The following VAX1 variants were observed in gnomAD, a reference collection of about 807,000 sequenced individuals.
VAX1 encodes ventral anterior homeobox 1.
Under a neutral mutation model 17.6 loss-of-function variants are expected in VAX1, and 6 were observed. The ratio of observed to expected loss-of-function variants is 0.34; its 90% CI spans 0.19 to 0.67. The LOEUF (loss-of-function observed/expected upper bound fraction) is 0.67. Among genes scored for constraint, VAX1 ranks in the 30% least tolerant of loss-of-function variants. The pLI is 0.69. For synonymous variants in VAX1, 256 were observed against 227.4 expected, an observed-to-expected ratio of 1.13 and a Z score of -1.13; for missense variants, 408 against 463.7, an observed-to-expected ratio of 0.88 and a Z score of 1.10.
Position 117,137,788 on chromosome 10 carries a change from C to A in VAX1, c.241+28G>T, listed in dbSNP as rs748214426. 1.9e-6 allele frequency: 3 copies of A among 1,610,160 alleles called. No homozygotes were observed. In the East Asian group the frequency reaches 6.7e-5, roughly 36 times the overall value. On this transcript the variant is annotated intron_variant, in intron 1 of 2. Transcript: ENST00000369206. The surrounding 1 kb of genome is among the most constrained non-coding windows in gnomAD (Gnocchi z 7.4). ...CGGCCCCGGAGTCGACCCCAAAGAA[C>A]GCGCCTGGCAGCCCTGCCCATCCCT...
chr10:117,138,163 C>A lies in VAX1; in HGVS notation c.-107G>T, dbSNP rs200079110. ...AAGAGGAAAAAGGGGACAAAACCCC[C>A]GACAACGCGGCCCGTACGCCCGGCC... is the stretch of plus-strand genomic sequence containing the variant. On this transcript the variant is annotated 5_prime_UTR_variant, in exon 1 of 3. Transcript: ENST00000369206. The A allele has an allele frequency of 1.2e-4, 143 of 1,199,120 alleles. No individual in the cohort carries two copies. Among genetic ancestry groups the A allele is most frequent in the Admixed American group, 2.1e-4 (8 of 37,448 alleles). The allele number at this position is 1,199,120 out of a possible 1,614,324, so 74.3% of individuals were successfully genotyped here. A position where few individuals can be genotyped will look rare whatever the true frequency, so the allele number is the denominator to read the frequency against.
downstream of VAX1, chr10:117,131,063 CCCAGCCA>C (rs1854077106): frequency 6.6e-6 from 1 of 152,530 alleles, no homozygotes; most frequent in African/African-American, 2.4e-5. Flanking sequence ...CCTGGAGGGT[CCCAGCCA>C]CCAGCCTTGA....
chr10:117,128,546 AT>A (rs1332369179), downstream of VAX1: 1 of 152,190 alleles, frequency 6.6e-6, no homozygotes, highest in Non-Finnish European at 1.5e-5. Context: ...ATATGATGTG[AT>A]TTATTTTTAA....
downstream of VAX1, chr10:117,131,457 C>A (rs1156911458): frequency 6.6e-6 from 1 of 152,282 alleles, no homozygotes; most frequent in Non-Finnish European, 1.5e-5. Flanking sequence ...GCTCAAGGCT[C>A]AGGGACTCCG....
Position 117,136,904 on chromosome 10 carries a change from G to GA in VAX1, c.242-246dup, listed in dbSNP as rs1029888967. Among the ~76,000 whole-genome samples, 2 of 152,150 alleles carry GA rather than the reference G, an allele frequency of 1.3e-5. No homozygotes were observed. Among genetic ancestry groups the GA allele is most frequent in the African/African-American group, 2.4e-5 (1 of 41,452 alleles). ...TGTAGAGTCCTCCAGACAGGGGAGAGAAAAAAATCCAATCAATTCCACATA... is the reference window on the plus strand; with the variant it reads ...TGTAGAGTCCTCCAGACAGGGGAGAGAAAAAAAATCCAATCAATTCCACATA... On this transcript the variant is annotated intron_variant, in intron 1 of 2. Transcript: ENST00000369206. The surrounding 1 kb of genome is among the most constrained non-coding windows in gnomAD (Gnocchi z 5.0).
In VAX1 at chr10:117,133,865, G is replaced by T; in HGVS notation, c.*143C>A. 3.7e-6 allele frequency: 5 copies of T among 1,356,684 alleles called. No individual in the cohort carries two copies. Among genetic ancestry groups the T allele is most frequent in the Non-Finnish European group, 4.7e-6 (5 of 1,060,458 alleles). The allele number at this position is 1,356,684 out of a possible 1,614,324, so 84.0% of individuals were successfully genotyped here. A position where few individuals can be genotyped will look rare whatever the true frequency, so the allele number is the denominator to read the frequency against. On this transcript the variant is annotated 3_prime_UTR_variant, in exon 3 of 3. Transcript: ENST00000369206. ...CCCGAATGAGATGAAATTGGTAGCA[G>T]AGTCTAGTGGGAAAGGAGAGCTGTC... is the stretch of plus-strand genomic sequence containing the variant.
rs759903028 is a variant in VAX1 at position 117,134,543 on chromosome 10, T to C, written c.470A>G (p.Lys157Arg). 3 of 1,528,814 alleles carry C rather than the reference T, an allele frequency of 2.0e-6. No individual in the cohort carries two copies. The South Asian group carries it at 3.6e-5, about 18-fold the overall frequency. 94.7% of individuals were successfully genotyped at this position (1,528,814 alleles called of 1,614,324 possible). Residue 157 changes from lysine (K) to arginine (R), a missense_variant, in exon 3 of 3, where the codon AAG becomes AGG. Lys to Arg is a conservative substitution (Grantham distance 26, BLOSUM62 2). Around this residue, in one of 4 missense-constraint regions of VAX1, gnomAD observed 75 missense variants for 116.1 expected, o/e 0.65. Coordinates refer to ENST00000369206, the MANE Select transcript of VAX1 (RefSeq NM_001112704.2). This position sits in a 1 kb window ranked among gnomAD's most constrained non-coding sequence, Gnocchi z 6.2. ...TAGCTCCGAGTCCTTGCCCTGGTCCTTCTTCTGCTTGGTGCGCCGGTTCTG... is the reference window on the plus strand; with the variant it reads ...TAGCTCCGAGTCCTTGCCCTGGTCCCTCTTCTGCTTGGTGCGCCGGTTCTG... ...WFQNRRTKQK[K>R]DQGKDSELRS...
rs1056914063 is a variant in VAX1 at position 117,133,909 on chromosome 10, A to C, written c.*99T>G. 19 of 1,422,100 alleles carry C rather than the reference A, an allele frequency of 1.3e-5. No individual in the cohort carries two copies. Among genetic ancestry groups the C allele is most frequent in the Non-Finnish European group, 1.7e-5 (19 of 1,095,004 alleles). 88.1% of individuals were successfully genotyped at this position (1,422,100 alleles called of 1,614,324 possible). Reference sequence around the variant, plus strand: ...AGCTGTCAGAGGCCTGGTGGGAGCCAGGAGCCCAGCGCAGGAGCTCTGGGC... The same window carrying C: ...AGCTGTCAGAGGCCTGGTGGGAGCCCGGAGCCCAGCGCAGGAGCTCTGGGC... On this transcript the variant is annotated 3_prime_UTR_variant, in exon 3 of 3. Coordinates refer to ENST00000369206, the MANE Select transcript of VAX1 (RefSeq NM_001112704.2).
At chr10:117,131,096 C>T (rs1462599843), downstream of VAX1, 1 of 152,736 alleles carries the variant, frequency 6.5e-6, no homozygotes, top group Non-Finnish European at 1.5e-5. Context: ...CAGCGAGAGC[C>T]ACCCACTGCC....
In VAX1 at chr10:117,133,948, G is replaced by C; in HGVS notation, c.*60C>G. 1 of 1,453,472 alleles carries C rather than the reference G, an allele frequency of 6.9e-7. No homozygotes were observed. 90.0% of individuals were successfully genotyped at this position (1,453,472 alleles called of 1,614,324 possible). ...GGAGCTCTGGGCACCTAATGCGCGT[G>C]AGTCCATAAATATCACCACAATAGA... On this transcript the variant is annotated 3_prime_UTR_variant, in exon 3 of 3. Transcript: ENST00000369206.
chr10:117,133,999 C>T lies in VAX1; in HGVS notation c.*9G>A. On this transcript the variant is annotated 3_prime_UTR_variant, in exon 3 of 3. Transcript: ENST00000369206. Reference sequence around the variant, plus strand: ...TACTATAAATATAAATACAGGGAAACACTTAAAATCAGTCCAGCGCTTTTT... The same window carrying T: ...TACTATAAATATAAATACAGGGAAATACTTAAAATCAGTCCAGCGCTTTTT... 6.6e-7 allele frequency: 1 copy of T among 1,509,466 alleles called. No homozygotes were observed. The highest frequency in any genetic ancestry group is 8.8e-7 in the Non-Finnish European group (1 of 1,130,500). The allele number at this position is 1,509,466 out of a possible 1,614,324, so 93.5% of individuals were successfully genotyped here.
chr10:117,135,212 G>C (rs190057208), intron 2 of VAX1, among the ~76,000 whole-genome samples: 1 of 152,362 alleles, frequency 6.6e-6, no homozygotes, highest in Non-Finnish European at 1.5e-5. Context: ...GTGGCTGCAG[G>C]AGAATAATAT....
chr10:117,136,342 T>A lies in VAX1; in HGVS notation c.429+130A>T. On this transcript the variant is annotated intron_variant, in intron 2 of 2. Transcript: ENST00000369206. The surrounding 1 kb of genome is among the most constrained non-coding windows in gnomAD (Gnocchi z 5.0). ...GGAATCCTTAGGCCTGTCTTACCCA[T>A]CCTTCCCATCTCCTCCACCTCCCAA... 9.0e-7 allele frequency: 1 copy of A among 1,114,780 alleles called. No homozygotes were observed. The highest frequency in any genetic ancestry group is 1.3e-6 in the Non-Finnish European group (1 of 793,662). The allele number at this position is 1,114,780 out of a possible 1,614,324, so 69.1% of individuals were successfully genotyped here.
rs568858843 is a variant in VAX1 at position 117,136,744 on chromosome 10, C to T, written c.242-85G>A. 1 of 1,492,134 alleles carries T rather than the reference C, an allele frequency of 6.7e-7. No individual in the cohort carries two copies. Among genetic ancestry groups the T allele is most frequent in the South Asian group, 1.4e-5 (1 of 73,976 alleles). The allele number at this position is 1,492,134 out of a possible 1,614,324, so 92.4% of individuals were successfully genotyped here. On this transcript the variant is annotated intron_variant, in intron 1 of 2. Coordinates refer to ENST00000369206, the MANE Select transcript of VAX1 (RefSeq NM_001112704.2). This position sits in a 1 kb window ranked among gnomAD's most constrained non-coding sequence, Gnocchi z 5.0. ...CGAGCTGGATTTGGGGACACAGTCC[C>T]CAGAAGCGTGCAGTTTTGGGGATGG... is the stretch of plus-strand genomic sequence containing the variant.
Position 117,134,054 on chromosome 10 carries a change from G to T in VAX1, c.959C>A (p.Ser320Tyr). 1 of 1,530,746 alleles carries T rather than the reference G, an allele frequency of 6.5e-7. No individual in the cohort carries two copies. Among genetic ancestry groups the T allele is most frequent in the Non-Finnish European group, 8.8e-7 (1 of 1,137,992 alleles). 94.8% of individuals were successfully genotyped at this position (1,530,746 alleles called of 1,614,324 possible). A position where few individuals can be genotyped will look rare whatever the true frequency, so the allele number is the denominator to read the frequency against. Residue 320 changes from serine to tyrosine, a missense_variant, in exon 3 of 3, where the codon TCC (serine) becomes TAC (tyrosine). Ser to Tyr is a moderately radical substitution (Grantham distance 144). Around this residue, in one of 4 missense-constraint regions of VAX1, gnomAD observed 196 missense variants for 218.7 expected, o/e 0.90. Coordinates refer to ENST00000369206, the MANE Select transcript of VAX1 (RefSeq NM_001112704.2). The surrounding 1 kb of genome is among the most constrained non-coding windows in gnomAD (Gnocchi z 6.2). ...GGCCCCTTCTTTATTGTTGGTCCGG[G>T]AGTAAGGCTCGAAGGCCGAGGAGCT... The part of the protein sequence containing the change: ...YLSSSAFEPY[S>Y]RTNNKEGAEK...
rs1370078092 is a variant in VAX1 at position 117,134,475 on chromosome 10, G to A, written c.538C>T (p.Arg180Trp). 2 of 1,522,854 alleles carry A rather than the reference G, an allele frequency of 1.3e-6. No individual in the cohort carries two copies. Among genetic ancestry groups the A allele is most frequent in the Non-Finnish European group, 8.8e-7 (1 of 1,140,642 alleles). 94.3% of individuals were successfully genotyped at this position (1,522,854 alleles called of 1,614,324 possible). The change falls in exon 3 of 3, where the codon CGG (arginine) becomes TGG (tryptophan). Residue 180 changes from arginine (R) to tryptophan (W), a missense_variant. By Grantham distance (101) the Arg-to-Trp change is moderately radical. Transcript: ENST00000369206. This position sits in a 1 kb window ranked among gnomAD's most constrained non-coding sequence, Gnocchi z 6.2. ...AACAGGCGGCCCTGCTCCAGCAGCCGTAGCACGCTGCACGTGGCCGCGGTC... is the reference window on the plus strand; with the variant it reads ...AACAGGCGGCCCTGCTCCAGCAGCCATAGCACGCTGCACGTGGCCGCGGTC... ...SETAATCSVLRLLEQGRLLSP... is the reference protein window; with the variant it reads ...SETAATCSVLWLLEQGRLLSP...
Position 117,134,408 on chromosome 10 carries a change from G to C in VAX1, c.605C>G (p.Thr202Arg), listed in dbSNP as rs1263514983. The C allele has an allele frequency of 1.3e-6, 2 of 1,483,978 alleles. No homozygotes were observed. The highest frequency in any genetic ancestry group is 1.8e-6 in the Non-Finnish European group (2 of 1,124,292). 91.9% of individuals were successfully genotyped at this position (1,483,978 alleles called of 1,614,324 possible). The change falls in exon 3 of 3, where the codon ACG (threonine) becomes AGG (arginine). Residue 202 changes from threonine (T) to arginine (R), a missense_variant. Around this residue, in one of 4 missense-constraint regions of VAX1, gnomAD observed 196 missense variants for 218.7 expected, o/e 0.90. Coordinates refer to ENST00000369206, the MANE Select transcript of VAX1 (RefSeq NM_001112704.2). This position sits in a 1 kb window ranked among gnomAD's most constrained non-coding sequence, Gnocchi z 6.2. ...GCGCAGCGCTGAGCCGAGAGCGCCCGTGGCGCAAGGCGGCAGCAGCGCAGG... is the reference window on the plus strand; with the variant it reads ...GCGCAGCGCTGAGCCGAGAGCGCCCCTGGCGCAAGGCGGCAGCAGCGCAGG... ...GLPALLPPCA[T>R]GALGSALRGP...
In VAX1 at chr10:117,136,437, G is replaced by A; in HGVS notation, c.429+35C>T. ...GGTAGGGGTGGTGGGGAGGAAGGCT[G>A]GTGCAGAACTGTGTGCGGCCTGGTC... On this transcript the variant is annotated intron_variant, in intron 2 of 2. Transcript: ENST00000369206. The surrounding 1 kb of genome is among the most constrained non-coding windows in gnomAD (Gnocchi z 5.0). 1.2e-6 allele frequency: 2 copies of A among 1,609,206 alleles called. No individual in the cohort carries two copies. The highest frequency in any genetic ancestry group is 1.1e-5 in the South Asian group (1 of 90,894).
rs927770867 is a variant in VAX1, at chr10:117,137,203, C to A, written c.242-544G>T. Among the ~76,000 whole-genome samples, 1 of 152,080 alleles carries A rather than the reference C, an allele frequency of 6.6e-6. No individual in the cohort carries two copies. The highest frequency in any genetic ancestry group is 1.5e-5 in the Non-Finnish European group (1 of 67,994). ...CCGGGCCGGGGCCCGGCCTCGCAGC[C>A]TCCGCCGCCGGGGCTAAGTGCACGC... On this transcript the variant is annotated intron_variant, in intron 1 of 2. Coordinates refer to ENST00000369206, the MANE Select transcript of VAX1 (RefSeq NM_001112704.2). This position sits in a 1 kb window ranked among gnomAD's most constrained non-coding sequence, Gnocchi z 7.4.
Sources: allele counts gnomAD v4.1 joint callset (sites outside exome capture counted in the v4.1 genomes callset), GRCh38; gene constraint gnomAD v4.1.1; regional missense constraint gnomAD v4.1.1; non-coding constraint Gnocchi (gnomAD v3.1); transcripts MANE v1.5; gene names NCBI Gene and HGNC (gene_info 2026-07-23, HGNC 2026-07-21).